GLI4: variants seen among roughly 807,000 people sequenced by gnomAD.
GLI4 encodes GLI family zinc finger 4, also known as zinc finger protein GLI4.
A neutral mutation model predicts 30.9 loss-of-function variants in GLI4; 34 were observed. The ratio of observed to expected loss-of-function variants is 1.10; its 90% CI spans 0.84 to 1.47. The LOEUF is 1.47. Ranked by LOEUF, GLI4 falls within the 40% of genes most tolerant of loss-of-function variation. GLI4 has a pLI of 0.00. For missense variants in GLI4, 696 were observed against 538.9 expected (o/e 1.29, Z -2.89); for synonymous variants, 277 against 236.7 (o/e 1.17, Z -1.56).
chr8:143,269,671 C>T lies in GLI4; in HGVS notation c.124+151C>T, dbSNP rs919668548. The T allele has an allele frequency of 1.3e-5, 9 of 718,692 alleles. No individual in the cohort carries two copies. The African/African-American group carries it at 1.4e-4, about 11-fold the overall frequency. The allele number at this position is 718,692 out of a possible 1,614,324, so 44.5% of individuals were successfully genotyped here. A position where few individuals can be genotyped will look rare whatever the true frequency, so the allele number is the denominator to read the frequency against. ...TCCTTCAGCAGCTGGGGTTCCCACA[C>T]CCTCAGGCCAGGGGCTCGGCGCGGG... On this transcript the variant is annotated intron_variant, in intron 2 of 3. Transcript: ENST00000340042.
Position 143,276,280 on chromosome 8 carries a change from C to T in GLI4, c.607C>T (p.Arg203Cys). Reference sequence around the variant, plus strand: ...TAACTCGCTGCTCCTGAAGCACCAGCGCATCCACACGGGCGAGAAGCCCTA... The same window carrying T: ...TAACTCGCTGCTCCTGAAGCACCAGTGCATCCACACGGGCGAGAAGCCCTA... ...KYNSLLLKHQRIHTGEKPYAC... is the reference protein window; with the variant it reads ...KYNSLLLKHQCIHTGEKPYAC... Residue 203 changes from arginine to cysteine, a missense_variant, in exon 4 of 4, where the codon CGC (arginine) becomes TGC (cysteine). Arg to Cys is a radical substitution (Grantham distance 180). Coordinates refer to ENST00000340042, the MANE Select transcript of GLI4 (RefSeq NM_138465.4). The T allele has an allele frequency of 1.2e-6, 2 of 1,611,792 alleles. No individual in the cohort carries two copies. Among genetic ancestry groups the T allele is most frequent in the South Asian group, 2.2e-5 (2 of 90,988 alleles).
chr8:143,274,947 C>T (rs1261167842), intron 3 of GLI4, 145 bp downstream of exon 3: 4 of 1,478,772 alleles, frequency 2.7e-6, no homozygotes, highest in African/African-American at 1.4e-5. Context: ...CTCACCTCTG[C>T]CCCGTGGCCC....
At chr8:143,274,657 C>G (rs764520169) in intron 2 of GLI4, 47 bp from the exon 3 acceptor site, 1 of 1,509,038 alleles carries the variant, frequency 6.6e-7, no homozygotes, top group South Asian at 1.2e-5. Flanking sequence ...GGAGCGGAGG[C>G]AGTGGTCCAG....
At position 143,269,371 on chromosome 8, in the gene GLI4, G is replaced by A. The variant is rs376494816; in HGVS notation, c.-26G>A. 1 of 1,607,596 alleles carries A rather than the reference G, an allele frequency of 6.2e-7. No homozygotes were observed. Among genetic ancestry groups the A allele is most frequent in the South Asian group, 1.1e-5 (1 of 90,868 alleles). ...TTCATTTTCCCCAGGTCCCAGGTGT[G>A]ACACCTTCAGCAGGTCTCAGGGAAG... On this transcript the variant is annotated 5_prime_UTR_variant, in exon 2 of 4. Transcript: ENST00000340042.
chr8:143,275,099 C>T, intron 3 of GLI4: 3 of 1,535,762 alleles, frequency 2.0e-6, no homozygotes, highest in African/African-American at 2.7e-5. Context: ...TCCCTCCCCT[C>T]CACCTGCCTT....
chr8:143,267,469 T>A lies in GLI4; in HGVS notation c.-53T>A, dbSNP rs1815158899. 3 of 984,898 alleles carry A rather than the reference T, an allele frequency of 3.0e-6. No homozygotes were observed. The highest frequency in any genetic ancestry group is 3.5e-5 in the African/African-American group (2 of 56,940). 61.0% of individuals were successfully genotyped at this position (984,898 alleles called of 1,614,324 possible). ...CACTTCCGTCCGGCGCGCGGCGTCC[T>A]CCTCCCGCTCGGAAGGTGAGTGGGC... On this transcript the variant is annotated 5_prime_UTR_variant, in exon 1 of 4. Coordinates refer to ENST00000340042, the MANE Select transcript of GLI4 (RefSeq NM_138465.4).
Position 143,267,917 on chromosome 8 carries a change from G to A in GLI4, c.-38+433G>A, listed in dbSNP as rs1278179643. On this transcript the variant is annotated intron_variant, in intron 1 of 3. Transcript: ENST00000340042. ...GCTCCCACGGGGCTGGGAACAGAGG[G>A]GCAGAGGATGCTTCCCCCGAGCCGC... 7 of 985,460 alleles carry A rather than the reference G, an allele frequency of 7.1e-6. No homozygotes were observed. In the Admixed American group the frequency reaches 1.8e-4, roughly 26 times the overall value. The allele number at this position is 985,460 out of a possible 1,614,324, so 61.0% of individuals were successfully genotyped here. A position where few individuals can be genotyped will look rare whatever the true frequency, so the allele number is the denominator to read the frequency against.
At chr8:143,269,887 G>A (rs1815227389) in intron 2 of GLI4, among the ~76,000 whole-genome samples, 1 of 152,254 alleles carries the variant, frequency 6.6e-6, no homozygotes, top group African/African-American at 2.4e-5. Context: ...AAGTGGAGCA[G>A]CCAGAGTCCT....
chr8:143,267,708 G>A lies in GLI4; in HGVS notation c.-38+224G>A, dbSNP rs1215143238. 3.0e-6 allele frequency: 3 copies of A among 985,278 alleles called. No homozygotes were observed. The East Asian group carries it at 3.4e-4, about 112-fold the overall frequency. The allele number at this position is 985,278 out of a possible 1,614,324, so 61.0% of individuals were successfully genotyped here. On this transcript the variant is annotated intron_variant, in intron 1 of 3. Coordinates refer to ENST00000340042, the MANE Select transcript of GLI4 (RefSeq NM_138465.4). Reference sequence around the variant, plus strand: ...GCCCCGCCCAGCGGCCCTGGCGATAGCGGGTGTCCGTTCGCAGGGCGCCTT... The same window carrying A: ...GCCCCGCCCAGCGGCCCTGGCGATAACGGGTGTCCGTTCGCAGGGCGCCTT...
At position 143,276,873 on chromosome 8, in the gene GLI4, GGGCAC is replaced by G. The variant is rs1815403900; in HGVS notation, c.*70_*74del. On this transcript the variant is annotated 3_prime_UTR_variant, in exon 4 of 4. Coordinates refer to ENST00000340042, the MANE Select transcript of GLI4 (RefSeq NM_138465.4). Reference sequence around the variant, plus strand: ...CACCCTCCACCCCGTCCCCCACGGTGGGCACTGCCCAGCACCGCATGCCACGTGTC... The same window carrying G: ...CACCCTCCACCCCGTCCCCCACGGTGTGCCCAGCACCGCATGCCACGTGTC... 1 of 1,014,768 alleles carries G rather than the reference GGGCAC, an allele frequency of 9.9e-7. No homozygotes were observed. The highest frequency in any genetic ancestry group is 1.4e-6 in the Non-Finnish European group (1 of 707,564). 62.9% of individuals were successfully genotyped at this position (1,014,768 alleles called of 1,614,324 possible).
intron 1 of GLI4, chr8:143,268,044 G>C (rs1353323840): frequency 1.0e-6 from 1 of 985,258 alleles, no homozygotes; most frequent in African/African-American, 1.7e-5. Context: ...GCTCAGTCCT[G>C]GGGGCCAAGC....
intron 1 of GLI4, 148 bp from the exon 2 acceptor site, chr8:143,269,210 GTC>G (rs1815211386): frequency 7.4e-6 from 5 of 671,898 alleles, no homozygotes; most frequent in South Asian, 5.3e-5. Context: ...AGGCCTATGT[GTC>G]TCTGTGGGTT....
At chr8:143,272,088 C>G (rs1481474195) in intron 2 of GLI4, among the ~76,000 whole-genome samples, 1 of 152,122 alleles carries the variant, frequency 6.6e-6, no homozygotes, top group Non-Finnish European at 1.5e-5. Flanking sequence ...AGGGGTCCTG[C>G]GAGTGGAGGG....
intron 3 of GLI4, chr8:143,275,430 C>T: frequency 1.5e-6 from 2 of 1,374,912 alleles, no homozygotes; most frequent in East Asian, 2.7e-5. Context: ...GGCATGGGAG[C>T]TGGGCGGCAG....
rs935427808 is a variant in GLI4, at chr8:143,274,536, AG to A, written c.125-165del. 5 of 531,578 alleles carry A rather than the reference AG, an allele frequency of 9.4e-6. No homozygotes were observed. In the Admixed American group the frequency reaches 1.4e-4, roughly 15 times the overall value. 32.9% of individuals were successfully genotyped at this position (531,578 alleles called of 1,614,324 possible). On this transcript the variant is annotated intron_variant, in intron 2 of 3. Transcript: ENST00000340042. The stretch of plus-strand genomic sequence containing the variant: ...TGAACCGAGCTGGGAAGGAAGGTAA[AG>A]GGCATTCGTGGCTAGAGAAGCCCAA...
At chr8:143,275,131 G>A in intron 3 of GLI4, 1 of 1,535,614 alleles carries the variant, frequency 6.5e-7, no homozygotes, top group Non-Finnish European at 8.7e-7. Context: ...TCTGGCTCAG[G>A]GCACCACTGT....
In GLI4 at chr8:143,276,274, C is replaced by T; in HGVS notation, c.601C>T (p.His201Tyr). 6.2e-7 allele frequency: 1 copy of T among 1,612,222 alleles called. No individual in the cohort carries two copies. The highest frequency in any genetic ancestry group is 1.6e-4 in the Middle Eastern group (1 of 6,062). Residue 201 changes from histidine to tyrosine, a missense_variant, in exon 4 of 4, where the codon CAC (histidine) becomes TAC (tyrosine). By Grantham distance (83) the His-to-Tyr change is moderately conservative. Coordinates refer to ENST00000340042, the MANE Select transcript of GLI4 (RefSeq NM_138465.4). ...CAAGTATAACTCGCTGCTCCTGAAGCACCAGCGCATCCACACGGGCGAGAA... is the reference window on the plus strand; with the variant it reads ...CAAGTATAACTCGCTGCTCCTGAAGTACCAGCGCATCCACACGGGCGAGAA... ...SFKYNSLLLK[H>Y]QRIHTGEKPY...
rs1422881132 is a variant in GLI4 at position 143,276,796 on chromosome 8, C to G, written c.1123C>G (p.Arg375Gly). Residue 375 changes from arginine to glycine, a missense_variant, in exon 4 of 4, where the codon CGC becomes GGC. Physicochemically the swap from Arg to Gly is moderately radical, Grantham distance 125. Transcript: ENST00000340042. ...CATCCAGCACCAGCGGGTGCACTAC[C>G]GCGAGTAGCCGGGCGGGGGCTCGGG... ...QLIQHQRVHY[R>G]E The G allele has an allele frequency of 1.3e-6, 2 of 1,560,216 alleles. No individual in the cohort carries two copies. The highest frequency in any genetic ancestry group is 2.3e-5 in the East Asian group (1 of 43,556).
chr8:143,275,259 C>T, intron 3 of GLI4: 1 of 1,518,296 alleles, frequency 6.6e-7, no homozygotes, highest in Non-Finnish European at 8.8e-7. Flanking sequence ...TTGAGAAGCT[C>T]CCAGGGTTCC....
Sources: gnomAD v4.1 joint callset for allele counts (sites outside exome capture counted in the v4.1 genomes callset) on GRCh38, gnomAD v4.1.1 for gene constraint, MANE v1.5 for transcripts, NCBI Gene and HGNC (gene_info 2026-07-23, HGNC 2026-07-21) for gene names.